The following PRKCQ variants were observed in gnomAD, a reference collection of about 807,000 sequenced individuals.
PRKCQ encodes protein kinase C theta, also known as protein kinase C theta type.
PRKCQ carries 41 observed loss-of-function variants against 91.2 expected under a neutral mutation model. The ratio of observed to expected loss-of-function variants is 0.45; its 90% CI spans 0.35 to 0.58. PRKCQ has a LOEUF of 0.58. PRKCQ is among the 20% of genes least tolerant of loss of function. The probability of loss-of-function intolerance (pLI) is 0.00; values close to 1 mark genes in which losing one functional copy is unlikely to be tolerated. For synonymous variants in PRKCQ, 307 were observed against 316.9 expected, an observed-to-expected ratio of 0.97 and a Z score of 0.33; for missense variants, 673 against 896.5, an observed-to-expected ratio of 0.75 and a Z score of 3.18.
intron 1 of PRKCQ, among the ~76,000 whole-genome samples, chr10:6,562,932 C>T (rs1348661645): frequency 1.3e-5 from 2 of 152,164 alleles, no homozygotes; most frequent in Non-Finnish European, 2.9e-5. Flanking sequence ...AAAGAACACT[C>T]ATCATGTTTT....
intron 1 of PRKCQ, among the ~76,000 whole-genome samples, chr10:6,565,090 T>C (rs1314768759): frequency 1.3e-5 from 2 of 152,258 alleles, no homozygotes; most frequent in Non-Finnish European, 1.5e-5. Flanking sequence ...AGTGTTTAGA[T>C]GAACATTCAA....
intron 1 of PRKCQ, among the ~76,000 whole-genome samples, chr10:6,535,859 C>T (rs1024460421): frequency 2.6e-5 from 4 of 152,222 alleles, no homozygotes; most frequent in Non-Finnish European, 5.9e-5. Context: ...TCATTTTAAG[C>T]TGACGAAACC....
intron 8 of PRKCQ, among the ~76,000 whole-genome samples, chr10:6,488,031 C>T (rs1247004760): frequency 6.7e-6 from 1 of 149,714 alleles, no homozygotes; most frequent in Non-Finnish European, 1.5e-5. Context: ...AGAAACATCA[C>T]CATTAAAATA....
At chr10:6,564,089 G>C (rs535364231) in intron 1 of PRKCQ, among the ~76,000 whole-genome samples, 36 of 152,268 alleles carry the variant, frequency 2.4e-4, no homozygotes, top group African/African-American at 8.7e-4. Flanking sequence ...AGGACCCAAG[G>C]GAAACCTGAG....
At chr10:6,455,101 CT>C (rs1180735513) in intron 15 of PRKCQ, among the ~76,000 whole-genome samples, 3 of 152,150 alleles carry the variant, frequency 2.0e-5, no homozygotes, top group African/African-American at 7.2e-5. Context: ...AAGGAGACTG[CT>C]GCTGGGGATG....
chr10:6,396,724 T>C, the PRKCQ span, among the ~76,000 whole-genome samples: 1 of 152,254 alleles, frequency 6.6e-6, no homozygotes, highest in African/African-American at 2.4e-5. Context: ...TTTTGGCTAT[T>C]ATGAATCATG....
At chr10:6,537,492 C>T (rs999375608) in intron 1 of PRKCQ, among the ~76,000 whole-genome samples, 9 of 152,178 alleles carry the variant, frequency 5.9e-5, no homozygotes, top group Non-Finnish European at 1.0e-4. Context: ...AACGGGAACT[C>T]AGGTGCCACA....
At chr10:6,489,276 G>C (rs1837134480) in intron 8 of PRKCQ, 15 of 462,356 alleles carry the variant, frequency 3.2e-5, no homozygotes, top group South Asian at 2.4e-4. Flanking sequence ...AACATAGAGG[G>C]ATGGAGTTTT....
chr10:6,553,974 T>TAAAAAAAAAACAGAGGAAACAGTA (rs35281231), intron 1 of PRKCQ, among the ~76,000 whole-genome samples: 1 of 150,928 alleles, frequency 6.6e-6, no homozygotes, highest in Non-Finnish European at 1.5e-5. Context: ...GTGGAAACAG[T>TAAAAAAAAAACAGAGGAAACAGTA]AAAAAAAAAC....
At chr10:6,549,571 G>T (rs185465521) in intron 1 of PRKCQ, among the ~76,000 whole-genome samples, 1 of 151,434 alleles carries the variant, frequency 6.6e-6, no homozygotes, top group East Asian at 1.9e-4. Context: ...GACAAAAACT[G>T]CAATTATGTA....
chr10:6,502,332 C>T (rs901858143), intron 4 of PRKCQ, among the ~76,000 whole-genome samples: 4 of 152,168 alleles, frequency 2.6e-5, no homozygotes, highest in African/African-American at 9.7e-5. Context: ...CAGGTAACTC[C>T]TACTAATGTG....
the PRKCQ span, among the ~76,000 whole-genome samples, chr10:6,395,102 T>G: frequency 0.54 from 77,916 of 144,112 alleles, 21,396 homozygotes; most frequent in East Asian, 0.82. Flanking sequence ...TCGCTCTGTC[T>G]CCCAGGCTGG....
intron 16 of PRKCQ, among the ~76,000 whole-genome samples, chr10:6,439,617 T>C (rs1588657033): frequency 6.6e-6 from 1 of 152,204 alleles, no homozygotes; most frequent in African/African-American, 2.4e-5. Flanking sequence ...AAGACAAGGA[T>C]GAAGATCTTT....
chr10:6,449,257 A>G (rs1834513826), intron 15 of PRKCQ, among the ~76,000 whole-genome samples: 1 of 149,314 alleles, frequency 6.7e-6, no homozygotes, highest in Non-Finnish European at 1.5e-5. Flanking sequence ...TGGAGCTGAA[A>G]GCCAAGGCTC....
chr10:6,413,822 C>T, the PRKCQ span, among the ~76,000 whole-genome samples: 4 of 126,866 alleles, frequency 3.2e-5, no homozygotes, highest in South Asian at 2.4e-4. Context: ...CACTTGTGCG[C>T]GTGCACACAC....
intron 10 of PRKCQ, 119 bp downstream of exon 10, chr10:6,485,033 G>C: frequency 1.2e-6 from 1 of 834,008 alleles, no homozygotes; most frequent in Non-Finnish European, 1.9e-6. Context: ...TTAGTTGGTA[G>C]CTGGAGGTGG....
intron 15 of PRKCQ, among the ~76,000 whole-genome samples, chr10:6,443,755 C>T (rs369416031): frequency 6.6e-6 from 1 of 152,134 alleles, no homozygotes; most frequent in Non-Finnish European, 1.5e-5. Flanking sequence ...TCACATGCTA[C>T]GTGAGTGAAC....
chr10:6,447,849 C>A (rs868836810), intron 15 of PRKCQ, among the ~76,000 whole-genome samples: 1 of 152,208 alleles, frequency 6.6e-6, no homozygotes, highest in Non-Finnish European at 1.5e-5. Flanking sequence ...CTCATAAAGA[C>A]CCTGCAGGGC....
At position 6,515,214 on chromosome 10, in the gene PRKCQ, A is replaced by G. The variant is rs746103065; in HGVS notation, c.-9-70T>C. The G allele has an allele frequency of 6.9e-6, 11 of 1,601,164 alleles. No individual in the cohort carries two copies. The Admixed American group carries it at 1.9e-4, about 27-fold the overall frequency. On this transcript the variant is annotated intron_variant, in intron 1 of 17. Coordinates refer to ENST00000263125, the MANE Select transcript of PRKCQ (RefSeq NM_006257.5). ...ATATTATTTTTGGTGCCCCATGTCT[A>G]CTTAACCAGTGCTTTATCATGGACA...
Sources: allele counts gnomAD v4.1 joint callset (sites outside exome capture counted in the v4.1 genomes callset), GRCh38; gene constraint gnomAD v4.1.1; transcripts MANE v1.5; gene names NCBI Gene and HGNC (gene_info 2026-07-23, HGNC 2026-07-21).